MAGI3: variants seen among roughly 807,000 people sequenced by gnomAD.
MAGI3 encodes the protein membrane associated guanylate kinase, WW and PDZ domain containing 3, also known as membrane-associated guanylate kinase, WW and PDZ domain-containing protein 3.
A neutral mutation model predicts 121.8 loss-of-function variants in MAGI3; 43 were observed. The observed-to-expected ratio is 0.35, with a 90% confidence interval of 0.28 to 0.46. The LOEUF is 0.46. MAGI3 is among the 20% of genes least tolerant of loss of function. The probability of loss-of-function intolerance (pLI) is 1.00; values close to 1 mark genes in which losing one functional copy is unlikely to be tolerated. For missense variants in MAGI3, 1,547 were observed against 1,797.3 expected (o/e 0.86, Z 2.52); for synonymous variants, 553 against 639.3 (o/e 0.86, Z 2.04).
intron 9 of MAGI3, among the ~76,000 whole-genome samples, chr1:113,641,040 A>AC (rs1557868915): frequency 1.3e-5 from 1 of 76,496 alleles, no homozygotes. Context: ...TGATATATAT[A>AC]ATATATATGA....
chr1:113,411,011 G>T (rs901042375), intron 1 of MAGI3, among the ~76,000 whole-genome samples: 18 of 152,122 alleles, frequency 1.2e-4, no homozygotes. Context: ...GATGGATCTT[G>T]TGTAAAAGTA....
At position 113,679,742 on chromosome 1, in the gene MAGI3, G is replaced by C. The variant is rs995335177; in HGVS notation, c.3190-1456G>C. Among the ~76,000 whole-genome samples, 10 of 144,062 alleles carry C rather than the reference G, an allele frequency of 6.9e-5. No homozygotes were observed. The East Asian group carries it at 2.0e-3, about 29-fold the overall frequency. 94.5% of individuals were successfully genotyped at this position (144,062 alleles called of 152,430 possible). A position where few individuals can be genotyped will look rare whatever the true frequency, so the allele number is the denominator to read the frequency against. On this transcript the variant is annotated intron_variant, in intron 19 of 20. Coordinates refer to ENST00000307546, the MANE Select transcript of MAGI3 (RefSeq NM_001142782.2). Reference sequence around the variant, plus strand: ...TTTTTTTTGAGACGGAGTTTCGCTCGCTGCCCAGACTGGAGTGCAGTGGTG... The same window carrying C: ...TTTTTTTTGAGACGGAGTTTCGCTCCCTGCCCAGACTGGAGTGCAGTGGTG...
intron 6 of MAGI3, among the ~76,000 whole-genome samples, chr1:113,603,240 G>A (rs915873388): frequency 4.6e-5 from 7 of 152,058 alleles, no homozygotes; most frequent in Non-Finnish European, 8.8e-5. Flanking sequence ...AGAAAATCTA[G>A]AGGACTGGAT....
intron 1 of MAGI3, among the ~76,000 whole-genome samples, chr1:113,545,569 A>G (rs1659499838): frequency 6.6e-6 from 1 of 152,238 alleles, no homozygotes; most frequent in South Asian, 2.1e-4. Flanking sequence ...CTCACAGAGA[A>G]CTGGTGGTGA....
At chr1:113,678,040 TC>T (rs1647983994) in intron 19 of MAGI3, among the ~76,000 whole-genome samples, 1 of 151,944 alleles carries the variant, frequency 6.6e-6, no homozygotes, top group South Asian at 2.1e-4. Context: ...TCCCCCTCCT[TC>T]CCCTCATTCA....
At chr1:113,597,880 AAGTTGAT>A (rs1649117237) in intron 6 of MAGI3, among the ~76,000 whole-genome samples, 1 of 152,236 alleles carries the variant, frequency 6.6e-6, no homozygotes, top group South Asian at 2.1e-4. Flanking sequence ...TTCAAACAAA[AAGTTGAT>A]ATGCACCAGA....
chr1:113,394,249 A>C (rs550551091), intron 1 of MAGI3, among the ~76,000 whole-genome samples: 5 of 152,244 alleles, frequency 3.3e-5, no homozygotes, highest in African/African-American at 1.2e-4. Context: ...TATGGTTTCT[A>C]ATCTGAAGCT....
intron 6 of MAGI3, among the ~76,000 whole-genome samples, chr1:113,598,101 A>G (rs1649130997): frequency 6.6e-6 from 1 of 152,000 alleles, no homozygotes; most frequent in South Asian, 2.1e-4. Flanking sequence ...AATCCCAGCT[A>G]CTCAGGAGGC....
At chr1:113,575,085 C>T (rs1647540357) in intron 2 of MAGI3, among the ~76,000 whole-genome samples, 1 of 152,108 alleles carries the variant, frequency 6.6e-6, no homozygotes, top group African/African-American at 2.4e-5. Context: ...TTAGCAGTTC[C>T]TGTAACCTTT....
rs959333700 is a variant in MAGI3, at chr1:113,511,553, A to G, written c.317-37962A>G. On this transcript the variant is annotated intron_variant, in intron 1 of 20. Coordinates refer to ENST00000307546, the MANE Select transcript of MAGI3 (RefSeq NM_001142782.2). ...ATGGCAGGGGTTTTTATCCCTAACAAAGTTCCTAGCACTTCTGTGTCCTTT... is the reference window on the plus strand; with the variant it reads ...ATGGCAGGGGTTTTTATCCCTAACAGAGTTCCTAGCACTTCTGTGTCCTTT... 2.0e-5 allele frequency among the ~76,000 whole-genome samples: 3 copies of G among 152,316 alleles called. No homozygotes were observed. The East Asian group carries it at 5.8e-4, about 29-fold the overall frequency.
intron 1 of MAGI3, chr1:113,403,525 AT>A (rs1651517213): frequency 6.6e-6 from 1 of 152,152 alleles, no homozygotes; most frequent in African/African-American, 2.4e-5. Flanking sequence ...TTGACAACTG[AT>A]TTGTGAAATT....
chr1:113,665,324 A>T (rs1653987595), intron 16 of MAGI3, among the ~76,000 whole-genome samples: 1 of 151,984 alleles, frequency 6.6e-6, no homozygotes, highest in South Asian at 2.1e-4. Context: ...CAAGTCCTCT[A>T]TTCTGTTCTA....
At chr1:113,466,400 G>T (rs1655287690) in intron 1 of MAGI3, among the ~76,000 whole-genome samples, 2 of 152,116 alleles carry the variant, frequency 1.3e-5, no homozygotes, top group Non-Finnish European at 2.9e-5. Context: ...GTATTTTGTT[G>T]AGGATTTTTG....
At chr1:113,557,207 C>T (rs1314427536) in intron 2 of MAGI3, among the ~76,000 whole-genome samples, 2 of 152,122 alleles carry the variant, frequency 1.3e-5, no homozygotes, top group Non-Finnish European at 2.9e-5. Flanking sequence ...TTTAAGCAGC[C>T]TGGATCACTT....
chr1:113,558,012 A>G (rs546233387), intron 2 of MAGI3, among the ~76,000 whole-genome samples: 15 of 152,280 alleles, frequency 9.9e-5, no homozygotes, highest in African/African-American at 3.1e-4. Context: ...AAACAAATAA[A>G]CAGAAAACAG....
chr1:113,424,237 G>A (rs1001892208), intron 1 of MAGI3, among the ~76,000 whole-genome samples: 2 of 99,820 alleles, frequency 2.0e-5, no homozygotes, highest in Non-Finnish European at 3.8e-5. Context: ...TGGCATCCTC[G>A]CAGTGACCAC....
chr1:113,586,037 T>C (rs1648347783), intron 4 of MAGI3, among the ~76,000 whole-genome samples: 1 of 152,202 alleles, frequency 6.6e-6, no homozygotes, highest in African/African-American at 2.4e-5. Context: ...TATTTTGAAT[T>C]TAAATTTTGG....
In MAGI3 at chr1:113,642,309, G is replaced by A. The variant is rs1274711757; in HGVS notation, c.1759G>A (p.Gly587Arg). The A allele has an allele frequency of 1.9e-6, 3 of 1,614,032 alleles. No individual in the cohort carries two copies. The highest frequency in any genetic ancestry group is 8.5e-7 in the Non-Finnish European group (1 of 1,180,030). ...VTIPLIKGPK[G>R]FGFAIADSPT... ...TATCCCTTTGATTAAGGGCCCTAAA[G>A]GGTTTGGGTTTGCAATTGCTGACAG... is the stretch of plus-strand genomic sequence containing the variant. The change falls in exon 10 of 21, where the codon GGG (glycine) becomes AGG (arginine). Residue 587 changes from glycine to arginine, a missense_variant. By Grantham distance (125) the Gly-to-Arg change is moderately radical. Transcript: ENST00000307546.
intron 1 of MAGI3, among the ~76,000 whole-genome samples, chr1:113,418,864 A>G (rs1056222498): frequency 6.6e-6 from 1 of 152,188 alleles, no homozygotes; most frequent in African/African-American, 2.4e-5. Flanking sequence ...TTTAGCATCT[A>G]TGAACAGAAG....
Sources: gnomAD v4.1 joint callset for allele counts (sites outside exome capture counted in the v4.1 genomes callset) on GRCh38, gnomAD v4.1.1 for gene constraint, MANE v1.5 for transcripts, NCBI Gene and HGNC (gene_info 2026-07-23, HGNC 2026-07-21) for gene names.